Variants in ADAMTS14 observed in about 807,000 individuals in gnomAD.
ADAMTS14 encodes ADAM metallopeptidase with thrombospondin type 1 motif 14.
ADAMTS14 carries 100 observed loss-of-function variants against 128.6 expected under a neutral mutation model. That is an observed-to-expected ratio of 0.78 (90% CI 0.66 to 0.92). The LOEUF (loss-of-function observed/expected upper bound fraction) is 0.92. Among genes scored for constraint, ADAMTS14 ranks in the 40% least tolerant of loss-of-function variants. ADAMTS14 has a pLI of 0.00. For missense variants in ADAMTS14, 1,562 were observed against 1,658.6 expected, an observed-to-expected ratio of 0.94 and a Z score of 1.01; for synonymous variants, 665 against 653.8, an observed-to-expected ratio of 1.02 and a Z score of -0.26.
intron 3 of ADAMTS14, among the ~76,000 whole-genome samples, chr10:70,704,923 C>A (rs1840613616): frequency 6.6e-6 from 1 of 152,040 alleles, no homozygotes; most frequent in Non-Finnish European, 1.5e-5. Context: ...CACTCACACA[C>A]CTGCATACAC....
rs753400723 is a variant in ADAMTS14, at chr10:70,757,980, G to A, written c.2956G>A (p.Glu986Lys). 3.1e-6 allele frequency: 5 copies of A among 1,612,348 alleles called. No individual in the cohort carries two copies. The South Asian group carries it at 3.3e-5, about 11-fold the overall frequency. The part of the protein sequence containing the change: ...AWSQCSATCG[E>K]GIQQRQVVCR... ...ACGGCAGTGCTCTGCCACCTGTGGA[G>A]AGGGCATCCAGCAGCGGCAGGTGGT... Residue 986 changes from glutamate to lysine, a missense_variant, in exon 20 of 22, where the codon GAG (glutamate) becomes AAG (lysine). Glu to Lys is a moderately conservative substitution (Grantham distance 56, BLOSUM62 1). Coordinates refer to ENST00000373207, the MANE Select transcript of ADAMTS14 (RefSeq NM_080722.4).
At chr10:70,750,782 A>T (rs1842326768) in intron 16 of ADAMTS14, among the ~76,000 whole-genome samples, 2 of 152,196 alleles carry the variant, frequency 1.3e-5, no homozygotes, top group African/African-American at 4.8e-5. Context: ...GTGCCGGGAC[A>T]CCTGGATGTC....
In ADAMTS14 at chr10:70,732,317, G is replaced by C. The variant is rs760638917; in HGVS notation, c.1166G>C (p.Gly389Ala). ...LRSCALNHED[G>A]FSSAFVIAHE... is the part of the protein sequence containing the mutation. ...AGCTGTGCCCTCAACCATGAGGATG[G>C]CTTCTCCTCAGCCTTCGTGATAGCT... Residue 389 changes from glycine to alanine, a missense_variant, in exon 7 of 22, where the codon GGC (glycine) becomes GCC (alanine). Transcript: ENST00000373207. 6.2e-7 allele frequency: 1 copy of C among 1,614,186 alleles called. No homozygotes were observed. Among genetic ancestry groups the C allele is most frequent in the Non-Finnish European group, 8.5e-7 (1 of 1,180,008 alleles).
At chr10:70,730,591 C>T (rs1841605513) in intron 6 of ADAMTS14, among the ~76,000 whole-genome samples, 1 of 152,166 alleles carries the variant, frequency 6.6e-6, no homozygotes, top group Non-Finnish European at 1.5e-5. Context: ...GTCCTCATTG[C>T]AGACTGTGGG....
chr10:70,752,254 A>G, intron 18 of ADAMTS14, 27 bp downstream of exon 18: 4 of 1,611,514 alleles, frequency 2.5e-6, no homozygotes, highest in Middle Eastern at 1.7e-4. Flanking sequence ...AGGGACGGGG[A>G]GTCTGGTTCT....
chr10:70,745,635 A>T (rs1230077604), intron 15 of ADAMTS14, among the ~76,000 whole-genome samples: 1 of 152,226 alleles, frequency 6.6e-6, no homozygotes, highest in Non-Finnish European at 1.5e-5. Context: ...AGCCATGTTC[A>T]CAGAGTGTAT....
At chr10:70,688,228 T>G in intron 2 of ADAMTS14, among the ~76,000 whole-genome samples, 2 of 44,110 alleles carry the variant, frequency 4.5e-5, no homozygotes, top group Non-Finnish European at 4.4e-5. Flanking sequence ...ACATCCCAGA[T>G]GGGGCGGCGG....
intron 3 of ADAMTS14, among the ~76,000 whole-genome samples, chr10:70,703,875 G>A (rs11815665): frequency 0.2 from 29,847 of 152,230 alleles, 3,454 homozygotes; most frequent in Non-Finnish European, 0.26. Context: ...CCAGGCCCTG[G>A]TCCATCTACG....
intron 2 of ADAMTS14, among the ~76,000 whole-genome samples, chr10:70,678,303 C>T (rs906156822): frequency 3.3e-5 from 5 of 152,166 alleles, no homozygotes; most frequent in East Asian, 1.9e-4. Flanking sequence ...TCCCTGTCCT[C>T]GAGGAACTTG....
chr10:70,759,129 T>TTTTTTTTTTTTGAG (rs1485675752), intron 21 of ADAMTS14, among the ~76,000 whole-genome samples: 1 of 112,610 alleles, frequency 8.9e-6, no homozygotes, highest in Non-Finnish European at 1.9e-5. Flanking sequence ...TCCAATCTTC[T>TTTTTTTTTTTTGAG]ACTTCTCTGC....
In ADAMTS14 at chr10:70,761,182, C is replaced by A. The variant is rs1842605157; in HGVS notation, c.*329C>A. The A allele has an allele frequency of 8.0e-6, 2 of 251,210 alleles. No homozygotes were observed. The highest frequency in any genetic ancestry group is 1.6e-4 in the East Asian group (2 of 12,768). 15.6% of individuals were successfully genotyped at this position (251,210 alleles called of 1,614,324 possible). A position where few individuals can be genotyped will look rare whatever the true frequency, so the allele number is the denominator to read the frequency against. ...ACCCTGGGCCTGGGCAGGTCTGAAT[C>A]CCGGCTGGTCTGTAGCTAGAAGCTG... On this transcript the variant is annotated 3_prime_UTR_variant, in exon 22 of 22. Coordinates refer to ENST00000373207, the MANE Select transcript of ADAMTS14 (RefSeq NM_080722.4).
At chr10:70,729,465 G>A (rs1841558860) in intron 5 of ADAMTS14, 88 bp downstream of exon 5, 1 of 1,108,968 alleles carries the variant, frequency 9.0e-7, no homozygotes, top group Non-Finnish European at 1.4e-6. Flanking sequence ...GGCTGCAGGG[G>A]TAAGCATCCA....
At chr10:70,742,138 AG>A (rs1036934532) in intron 12 of ADAMTS14, among the ~76,000 whole-genome samples, 6 of 152,136 alleles carry the variant, frequency 3.9e-5, no homozygotes, top group Non-Finnish European at 8.8e-5. Context: ...GCATCCTTGC[AG>A]GGGGTGTCTT....
At chr10:70,743,960 G>C in intron 13 of ADAMTS14, 106 bp from the exon 14 acceptor site, 28 of 1,433,102 alleles carry the variant, frequency 2.0e-5, no homozygotes, top group Non-Finnish European at 2.5e-5. Context: ...ACATCTCCCA[G>C]GCCAGAGGTC....
chr10:70,675,114 TC>T, intron 2 of ADAMTS14, 119 bp downstream of exon 2: 2 of 1,268,024 alleles, frequency 1.6e-6, no homozygotes, highest in Non-Finnish European at 2.2e-6. Flanking sequence ...GGTGCTGCCT[TC>T]CAGAGGGAGT....
At chr10:70,687,159 G>A (rs1487315365) in intron 2 of ADAMTS14, among the ~76,000 whole-genome samples, 37 of 103,586 alleles carry the variant, frequency 3.6e-4, no homozygotes, top group South Asian at 1.1e-3. Context: ...CTCACCTCCC[G>A]GACGGGGCCA....
At chr10:70,750,081 T>C in intron 16 of ADAMTS14, 96 bp downstream of exon 16, 1 of 1,514,306 alleles carries the variant, frequency 6.6e-7, no homozygotes, top group South Asian at 1.3e-5. Context: ...ACCATTCTGG[T>C]GTCTTTAGGA....
intron 2 of ADAMTS14, among the ~76,000 whole-genome samples, chr10:70,684,860 G>GTCCTGGT (rs1839910061): frequency 1.3e-5 from 2 of 152,154 alleles, no homozygotes; most frequent in South Asian, 2.1e-4. Flanking sequence ...TGGGTCCTGG[G>GTCCTGGT]TCCTGGGTCC....
chr10:70,735,453 A>G, intron 9 of ADAMTS14, 152 bp downstream of exon 9: 1 of 1,184,238 alleles, frequency 8.4e-7, no homozygotes, highest in Non-Finnish European at 1.2e-6. Context: ...CCATGCAGGG[A>G]TGCAGAGTGA....
Sources: gnomAD v4.1 joint callset for allele counts (sites outside exome capture counted in the v4.1 genomes callset) on GRCh38, gnomAD v4.1.1 for gene constraint, MANE v1.5 for transcripts, NCBI Gene and HGNC (gene_info 2026-07-23, HGNC 2026-07-21) for gene names.